FRAS1: variants seen among roughly 807,000 people sequenced by gnomAD.
FRAS1 encodes the protein extracellular matrix organizing protein FRAS1.
FRAS1 carries 290 observed loss-of-function variants against 435.2 expected under a neutral mutation model. The observed-to-expected ratio is 0.67, with a 90% CI of 0.61 to 0.73. FRAS1 has a LOEUF of 0.73. Among genes scored for constraint, FRAS1 ranks in the 30% least tolerant of loss-of-function variants. The pLI is 0.00. For missense variants in FRAS1, 4,860 were observed against 5,001.5 expected (o/e 0.97, Z 0.85); for synonymous variants, 1,800 against 1,851.0 (o/e 0.97, Z 0.71).
chr4:78,069,539 C>G (rs955685472), intron 2 of FRAS1, among the ~76,000 whole-genome samples: 2 of 152,214 alleles, frequency 1.3e-5, no homozygotes, highest in South Asian at 4.1e-4. Flanking sequence ...CAAACCAGCT[C>G]TGTGACATAG....
At chr4:78,258,809 A>C (rs560575419) in intron 6 of FRAS1, among the ~76,000 whole-genome samples, 1 of 132,738 alleles carries the variant, frequency 7.5e-6, no homozygotes, top group African/African-American at 2.8e-5. Context: ...GCACCCACTA[A>C]CTCGTCATCT....
chr4:78,471,759 C>T (rs914994316), intron 51 of FRAS1, among the ~76,000 whole-genome samples: 1 of 152,186 alleles, frequency 6.6e-6, no homozygotes, highest in African/African-American at 2.4e-5. Flanking sequence ...ATAATTGACT[C>T]CTAGAAAGTG....
intron 37 of FRAS1, among the ~76,000 whole-genome samples, chr4:78,431,136 G>A (rs1560723471): frequency 1.3e-5 from 2 of 152,244 alleles, no homozygotes; most frequent in South Asian, 4.2e-4. Context: ...ATTCCTTTTA[G>A]AGATGCAGTA....
At chr4:78,207,765 C>G (rs1723324335) in intron 2 of FRAS1, among the ~76,000 whole-genome samples, 1 of 152,166 alleles carries the variant, frequency 6.6e-6, no homozygotes, top group Non-Finnish European at 1.5e-5. Flanking sequence ...GTGTTCTTTC[C>G]TCTGCGTTCA....
At chr4:78,171,574 A>G (rs1437507922) in intron 2 of FRAS1, among the ~76,000 whole-genome samples, 3 of 152,106 alleles carry the variant, frequency 2.0e-5, no homozygotes, top group East Asian at 1.9e-4. Context: ...GCCACATTCA[A>G]TGCTTTACAG....
Position 78,464,093 on chromosome 4 carries a change from C to G in FRAS1, c.6836C>G (p.Ala2279Gly). 1 of 1,613,654 alleles carries G rather than the reference C, an allele frequency of 6.2e-7. No individual in the cohort carries two copies. The highest frequency in any genetic ancestry group is 1.1e-5 in the South Asian group (1 of 91,040). Residue 2279 changes from alanine (A) to glycine (G), a missense_variant, in exon 48 of 74, where the codon GCT becomes GGT. By Grantham distance (60) the Ala-to-Gly change is moderately conservative. Coordinates refer to ENST00000512123, the MANE Select transcript of FRAS1 (RefSeq NM_025074.7). ...GTTCAGTATGTCCATTCTAGTGAGG[C>G]TGAGAAACATTCAGATGCCTTCAGC... ...RNVQYVHSSE[A>G]EKHSDAFSFT...
chr4:78,447,453 T>C (rs1718883913), intron 43 of FRAS1, among the ~76,000 whole-genome samples: 1 of 151,870 alleles, frequency 6.6e-6, no homozygotes, highest in Non-Finnish European at 1.5e-5. Flanking sequence ...ATTGGTCTTT[T>C]AAAGATTAAA....
intron 32 of FRAS1, among the ~76,000 whole-genome samples, chr4:78,415,424 A>G (rs1394833959): frequency 3.9e-5 from 6 of 152,226 alleles, no homozygotes; most frequent in Non-Finnish European, 8.8e-5. Flanking sequence ...GCTGGAACCT[A>G]CCACAGTGTT....
At chr4:78,191,534 CTTT>C (rs35774956) in intron 2 of FRAS1, among the ~76,000 whole-genome samples, 6 of 142,794 alleles carry the variant, frequency 4.2e-5, no homozygotes, top group Admixed American at 6.9e-5. Flanking sequence ...GTATTATTTT[CTTT>C]TTTTTTTTTT....
At chr4:78,296,288 T>C (rs1728141642) in intron 14 of FRAS1, among the ~76,000 whole-genome samples, 1 of 151,918 alleles carries the variant, frequency 6.6e-6, no homozygotes, top group African/African-American at 2.4e-5. Context: ...CCTCAAGCAC[T>C]TACGAGTTTT....
At chr4:78,377,465 A>T (rs1262833428) in intron 26 of FRAS1, among the ~76,000 whole-genome samples, 2 of 152,174 alleles carry the variant, frequency 1.3e-5, no homozygotes, top group Non-Finnish European at 2.9e-5. Context: ...GTCCTGTCTG[A>T]CCTAGTTGTA....
intron 47 of FRAS1, among the ~76,000 whole-genome samples, chr4:78,458,248 A>C (rs1719264789): frequency 6.6e-6 from 1 of 152,190 alleles, no homozygotes; most frequent in South Asian, 2.1e-4. Context: ...TGTGGAGGCT[A>C]GTCTGTATCA....
Position 78,312,859 on chromosome 4 carries a change from A to AAGAG in FRAS1, c.1679-2715_1679-2712dup, listed in dbSNP as rs61199249. ...AGAAAGAAAAAGAAAGAAAGAAAGA[A>AAGAG]AGAGAGAGAGAGAGAGAGAGAGAAA... On this transcript the variant is annotated intron_variant, in intron 15 of 73. Coordinates refer to ENST00000512123, the MANE Select transcript of FRAS1 (RefSeq NM_025074.7). Among the ~76,000 whole-genome samples the AAGAG allele has an allele frequency of 3.0e-4, 37 of 121,794 alleles. 1 individual carries two copies. The highest frequency in any genetic ancestry group is 1.1e-3 in the South Asian group (4 of 3,544). The allele number at this position is 121,794 out of a possible 152,430, so 79.9% of individuals were successfully genotyped here.
chr4:78,422,961 G>A (rs989028), intron 34 of FRAS1, among the ~76,000 whole-genome samples: 93,657 of 151,778 alleles, frequency 0.62, 29,520 homozygotes, highest in African/African-American at 0.7. Flanking sequence ...GAAAGTCTGA[G>A]TGGAAGAATA....
At chr4:78,297,913 G>C (rs773506831) in intron 14 of FRAS1, among the ~76,000 whole-genome samples, 4 of 151,058 alleles carry the variant, frequency 2.6e-5, no homozygotes, top group Non-Finnish European at 5.9e-5. Context: ...AAACACAGTG[G>C]GATTTTTGCT....
At chr4:78,408,779 T>A (rs1344754182) in intron 31 of FRAS1, among the ~76,000 whole-genome samples, 1 of 152,176 alleles carries the variant, frequency 6.6e-6, no homozygotes, top group East Asian at 1.9e-4. Flanking sequence ...TTATAAAAAT[T>A]GGTCAAATAC....
intron 15 of FRAS1, among the ~76,000 whole-genome samples, chr4:78,312,198 A>ATATATG (rs1729053853): frequency 6.7e-6 from 1 of 148,438 alleles, no homozygotes; most frequent in Admixed American, 6.7e-5. Context: ...ATATATATAT[A>ATATATG]TGGGTTTAAG....
At chr4:78,270,699 G>A (rs1280219254) in intron 9 of FRAS1, among the ~76,000 whole-genome samples, 1 of 151,920 alleles carries the variant, frequency 6.6e-6, no homozygotes, top group Admixed American at 6.6e-5. Context: ...AGTCAGTCTT[G>A]TTTCAAAACA....
chr4:78,255,985 C>A (rs1239674643), intron 6 of FRAS1, among the ~76,000 whole-genome samples: 1 of 152,124 alleles, frequency 6.6e-6, no homozygotes, highest in African/African-American at 2.4e-5. Context: ...TTTTACTCTT[C>A]CAGAGGCTCG....
Sources: allele counts gnomAD v4.1 joint callset (sites outside exome capture counted in the v4.1 genomes callset), GRCh38; gene constraint gnomAD v4.1.1; transcripts MANE v1.5; gene names NCBI Gene and HGNC (gene_info 2026-07-23, HGNC 2026-07-21).